CBX5: variants seen among roughly 807,000 people sequenced by gnomAD.
The protein encoded by CBX5 is chromobox protein homolog 5.
Under a neutral mutation model 20.7 loss-of-function variants are expected in CBX5, and 7 were observed. The observed-to-expected ratio is 0.34, with a 90% CI of 0.19 to 0.63. The LOEUF is 0.63. Ranked by LOEUF, CBX5 falls within the 30% of genes least tolerant of loss-of-function variation. The pLI, the probability that CBX5 is intolerant of heterozygous loss-of-function variation, is 0.75. For missense variants in CBX5, 110 were observed against 224.1 expected (o/e 0.49, Z 3.25); for synonymous variants, 78 against 77.0 (o/e 1.01, Z -0.07).
Position 54,235,290 on chromosome 12 carries a change from T to C in CBX5, c.*6465A>G, listed in dbSNP as rs1211006511. On this transcript the variant is annotated 3_prime_UTR_variant, in exon 5 of 5. Coordinates refer to ENST00000209875, the MANE Select transcript of CBX5 (RefSeq NM_012117.3). ...AAGGTATATGTATTTCTGGCAAAGG[T>C]TTCCACATAACTGATACAATTCTCT... The C allele has an allele frequency of 6.6e-6, 1 of 152,126 alleles. No homozygotes were observed. Among genetic ancestry groups the C allele is most frequent in the East Asian group, 1.9e-4 (1 of 5,198 alleles). 9.4% of individuals were successfully genotyped at this position (152,126 alleles called of 1,614,324 possible). A position where few individuals can be genotyped will look rare whatever the true frequency, so the allele number is the denominator to read the frequency against.
At chr12:54,252,260 AAG>A (rs1491576316) in intron 2 of CBX5, 33 bp from the exon 3 acceptor site, 19 of 1,505,200 alleles carry the variant, frequency 1.3e-5, no homozygotes, top group Admixed American at 4.6e-5. Context: ...TTAAAAAAAA[AAG>A]GGGGGGGTAA....
rs1943595162 is a variant in CBX5, at chr12:54,234,075, G to A, written c.*7680C>T. 1 of 151,092 alleles carries A rather than the reference G, an allele frequency of 6.6e-6. No individual in the cohort carries two copies. Among genetic ancestry groups the A allele is most frequent in the South Asian group, 2.1e-4 (1 of 4,778 alleles). The allele number at this position is 151,092 out of a possible 1,614,324, so 9.4% of individuals were successfully genotyped here. On this transcript the variant is annotated 3_prime_UTR_variant, in exon 5 of 5. Coordinates refer to ENST00000209875, the MANE Select transcript of CBX5 (RefSeq NM_012117.3). ...GGCGCCTATAATCCCAGCTGCTCAG[G>A]AGGCTGAGGCAGAGAACTGCTTGAA...
At chr12:54,246,014 T>C (rs369702760) in intron 4 of CBX5, 101 bp downstream of exon 4, 1 of 805,754 alleles carries the variant, frequency 1.2e-6, no homozygotes, top group Non-Finnish European at 2.2e-6. Flanking sequence ...CATTCAAAAT[T>C]CATGGTTTGG....
intron 2 of CBX5, chr12:54,255,907 T>G (rs528588534): frequency 6.6e-6 from 1 of 152,332 alleles, no homozygotes; most frequent in Non-Finnish European, 1.5e-5. Context: ...CCACCATGCC[T>G]GGACTCTAAA....
chr12:54,235,777 A>G lies in CBX5; in HGVS notation c.*5978T>C, dbSNP rs1350985234. On this transcript the variant is annotated 3_prime_UTR_variant, in exon 5 of 5. Transcript: ENST00000209875. ...TTAAAGGCAGTTAAGTCTCATGTTC[A>G]TTCCTCCAAAAGGGATGAGAAATTG... is the stretch of plus-strand genomic sequence containing the variant. 6.6e-6 allele frequency: 1 copy of G among 152,220 alleles called. No individual in the cohort carries two copies. The highest frequency in any genetic ancestry group is 6.5e-5 in the Admixed American group (1 of 15,290). The allele number at this position is 152,220 out of a possible 1,614,324, so 9.4% of individuals were successfully genotyped here.
chr12:54,272,978 C>T (rs1944024410), intron 1 of CBX5: 2 of 152,148 alleles, frequency 1.3e-5, no homozygotes, highest in Admixed American at 6.5e-5. Context: ...TTTTCACTTG[C>T]CTCTGTTTCT....
rs796188465 is a variant in CBX5 at position 54,250,834 on chromosome 12, A to G, written c.324+1207T>C. Among the ~76,000 whole-genome samples, 247 of 127,304 alleles carry G rather than the reference A, an allele frequency of 1.9e-3. 2 individuals are homozygous for G. The highest frequency in any genetic ancestry group is 7.1e-3 in the African/African-American group (240 of 34,004). 83.5% of individuals were successfully genotyped at this position (127,304 alleles called of 152,430 possible). On this transcript the variant is annotated intron_variant, in intron 3 of 4. Coordinates refer to ENST00000209875, the MANE Select transcript of CBX5 (RefSeq NM_012117.3). ...CTCAAAAAAAAAAAAAAAAAAAAAAAAAAAAAAAAAGAAAGGGCCGGGCGC... is the reference window on the plus strand; with the variant it reads ...CTCAAAAAAAAAAAAAAAAAAAAAAGAAAAAAAAAAGAAAGGGCCGGGCGC...
At chr12:54,252,584 TG>T in intron 2 of CBX5, 1 of 190,582 alleles carries the variant, frequency 5.2e-6, no homozygotes, top group Non-Finnish European at 1.1e-5. Context: ...TGCTACAACT[TG>T]GAAGAACCCC....
intron 1 of CBX5, among the ~76,000 whole-genome samples, chr12:54,261,189 CA>C (rs1187762152): frequency 0.12 from 7,672 of 64,580 alleles, 221 homozygotes; most frequent in Non-Finnish European, 0.16. Context: ...GAAACCGTCT[CA>C]AAAAAAAAAA....
intron 1 of CBX5, among the ~76,000 whole-genome samples, chr12:54,279,757 C>A (rs1391640449): frequency 6.6e-6 from 1 of 152,160 alleles, no homozygotes; most frequent in Non-Finnish European, 1.5e-5. Context: ...GCCCAAGGGC[C>A]GATCAGTCGG....
intron 1 of CBX5, among the ~76,000 whole-genome samples, chr12:54,267,679 T>C (rs369000360): frequency 6.6e-6 from 1 of 151,878 alleles, no homozygotes; most frequent in Non-Finnish European, 1.5e-5. Flanking sequence ...GCCCGGCTAA[T>C]TTTTTTTGTG....
chr12:54,271,106 T>C (rs978894145), intron 1 of CBX5, among the ~76,000 whole-genome samples: 11 of 152,204 alleles, frequency 7.2e-5, no homozygotes, highest in Admixed American at 6.5e-5. Context: ...TTGAGACTTA[T>C]TGACCCAGAA....
intron 1 of CBX5, among the ~76,000 whole-genome samples, chr12:54,261,976 T>G (rs1313516581): frequency 1.3e-5 from 2 of 152,212 alleles, no homozygotes; most frequent in Non-Finnish European, 2.9e-5. Context: ...TCCAAATTCC[T>G]AAGCTAGTAA....
At chr12:54,251,915 T>G (rs1339897758) in intron 3 of CBX5, 126 bp downstream of exon 3, 1 of 778,440 alleles carries the variant, frequency 1.3e-6, no homozygotes, top group East Asian at 3.1e-5. Context: ...GAAGCTCTTT[T>G]GTTCAACAAT....
At chr12:54,250,967 T>C (rs540947011) in intron 3 of CBX5, among the ~76,000 whole-genome samples, 1 of 150,862 alleles carries the variant, frequency 6.6e-6, no homozygotes, top group East Asian at 2.0e-4. Context: ...CCGTCTCTAC[T>C]AAAGATACAA....
chr12:54,248,033 G>C (rs1467876484), intron 3 of CBX5, among the ~76,000 whole-genome samples: 14 of 151,672 alleles, frequency 9.2e-5, no homozygotes, highest in Admixed American at 6.6e-5. Context: ...TAGAGACAGG[G>C]GTCTCACCAT....
intron 1 of CBX5, among the ~76,000 whole-genome samples, chr12:54,274,696 T>C (rs575175961): frequency 6.6e-6 from 1 of 152,026 alleles, no homozygotes; most frequent in Admixed American, 6.6e-5. Context: ...TTCTAACACT[T>C]TGGGAGGCCG....
In CBX5 at chr12:54,241,824, T is replaced by C. The variant is rs1459403613; in HGVS notation, c.507A>G (p.Glu169=). The change falls in exon 5 of 5, where the codon GAA becomes GAG. Residue 169 remains glutamate (E), a synonymous_variant. Transcript: ENST00000209875. The part of the protein sequence containing the change: ...KCPQIVIAFY[E]ERLTWHAYPE... ...GATATGCATGCCATGTCAGTCTCTC[T>C]TCATAAAATGCTATCACAATTTGTG... 2 of 1,613,894 alleles carry C rather than the reference T, an allele frequency of 1.2e-6. No individual in the cohort carries two copies. Among genetic ancestry groups the C allele is most frequent in the Non-Finnish European group, 1.7e-6 (2 of 1,179,938 alleles).
intron 1 of CBX5, among the ~76,000 whole-genome samples, chr12:54,270,835 T>TGA (rs1202478047): frequency 6.6e-6 from 1 of 152,120 alleles, no homozygotes; most frequent in African/African-American, 2.4e-5. Flanking sequence ...GAGGATCACT[T>TGA]GAGCCCAGGG....
Sources: allele counts gnomAD v4.1 joint callset (sites outside exome capture counted in the v4.1 genomes callset), GRCh38; gene constraint gnomAD v4.1.1; transcripts MANE v1.5; gene names NCBI Gene and HGNC (gene_info 2026-07-23, HGNC 2026-07-21).